The following TSEN2 variants were observed in gnomAD, a reference collection of about 807,000 sequenced individuals.
TSEN2 encodes the protein tRNA-splicing endonuclease subunit Sen2.
A neutral mutation model predicts 59.2 loss-of-function variants in TSEN2; 54 were observed. The observed-to-expected ratio is 0.91, with a 90% CI of 0.73 to 1.14. TSEN2 has a LOEUF of 1.14. Among genes scored for constraint, TSEN2 ranks in the 50% most tolerant of loss-of-function variants. The pLI, the probability that TSEN2 is intolerant of heterozygous loss-of-function variation, is 0.00. For synonymous variants in TSEN2, 195 were observed against 198.2 expected, an observed-to-expected ratio of 0.98 and a Z score of 0.14; for missense variants, 636 against 576.2, an observed-to-expected ratio of 1.10 and a Z score of -1.06.
intron 8 of TSEN2, among the ~76,000 whole-genome samples, chr3:12,522,140 T>C (rs2596829): frequency 0.64 from 97,067 of 151,628 alleles, 33,652 homozygotes; most frequent in African/African-American, 0.91. Flanking sequence ...CATACTGTGG[T>C]TCTTTTGTCT....
intron 2 of TSEN2, among the ~76,000 whole-genome samples, chr3:12,491,737 A>C (rs2053231742): frequency 6.6e-6 from 1 of 152,260 alleles, no homozygotes; most frequent in Admixed American, 6.5e-5. Flanking sequence ...TTGTTAACTC[A>C]GATGGGTACA....
chr3:12,496,503 ACTT>A lies in TSEN2; in HGVS notation c.272-11_272-9del, dbSNP rs752002713. 1.9e-6 allele frequency: 3 copies of A among 1,613,996 alleles called. No individual in the cohort carries two copies. Among genetic ancestry groups the A allele is most frequent in the South Asian group, 1.1e-5 (1 of 91,082 alleles). On this transcript the variant is annotated splice_polypyrimidine_tract_variant and intron_variant, in intron 3 of 11. Transcript: ENST00000284995. Reference sequence around the variant, plus strand: ...GGGAAATTTGCCTGAAACTAATAGAACTTCTTTGTTCCAGATATGAAGACAAAC... The same window carrying A: ...GGGAAATTTGCCTGAAACTAATAGAACTTTGTTCCAGATATGAAGACAAAC...
chr3:12,507,514 G>A (rs920201765), intron 6 of TSEN2, among the ~76,000 whole-genome samples: 1 of 152,210 alleles, frequency 6.6e-6, no homozygotes, highest in African/African-American at 2.4e-5. Context: ...ATAAATGTTA[G>A]TGCCTGCTAT....
At chr3:12,514,914 T>C (rs989699187) in intron 6 of TSEN2, 4 of 152,238 alleles carry the variant, frequency 2.6e-5, no homozygotes, top group Admixed American at 1.3e-4. Flanking sequence ...GGCTTCGTTT[T>C]TCATTTTTGC....
At chr3:12,495,667 C>A (rs1158692362) in intron 3 of TSEN2, among the ~76,000 whole-genome samples, 1 of 152,216 alleles carries the variant, frequency 6.6e-6, no homozygotes, top group Non-Finnish European at 1.5e-5. Context: ...ATAGTAGTCA[C>A]TAGGTGTGCA....
chr3:12,498,137 T>G (rs1214286096), intron 4 of TSEN2, among the ~76,000 whole-genome samples: 1 of 152,062 alleles, frequency 6.6e-6, no homozygotes, highest in Non-Finnish European at 1.5e-5. Flanking sequence ...TATGGGTACA[T>G]GTGATATTTT....
At position 12,503,351 on chromosome 3, in the gene TSEN2, C is replaced by T. The variant is rs373274480; in HGVS notation, c.398C>T (p.Thr133Met). 7 of 1,614,062 alleles carry T rather than the reference C, an allele frequency of 4.3e-6. No individual in the cohort carries two copies. The highest frequency in any genetic ancestry group is 5.1e-6 in the Non-Finnish European group (6 of 1,180,052). ...GTGCGCAGAATCCTCAAGGATTACA[C>T]GAAACCGCTTGAGCATCCTCCTGTG... is the stretch of plus-strand genomic sequence containing the variant. ...STVRRILKDY[T>M]KPLEHPPVKR... Residue 133 changes from threonine to methionine, a missense_variant, in exon 5 of 12, where the codon ACG becomes ATG. Thr to Met is a moderately conservative substitution (Grantham distance 81). Coordinates refer to ENST00000284995, the MANE Select transcript of TSEN2 (RefSeq NM_025265.4).
At chr3:12,495,066 C>T (rs2053608128) in intron 3 of TSEN2, among the ~76,000 whole-genome samples, 1 of 127,528 alleles carries the variant, frequency 7.8e-6, no homozygotes, top group African/African-American at 3.1e-5. Flanking sequence ...GCGGAGGTTG[C>T]AGTGAGCCAA....
intron 11 of TSEN2, among the ~76,000 whole-genome samples, 177 bp from the exon 12 acceptor site, chr3:12,532,485 T>A (rs2057524720): frequency 6.6e-6 from 1 of 152,232 alleles, no homozygotes; most frequent in Admixed American, 6.5e-5. Flanking sequence ...TACTGTATGC[T>A]TGTAAGGTTT....
intron 5 of TSEN2, 48 bp from the exon 6 acceptor site, chr3:12,505,106 T>C (rs1264727801): frequency 9.6e-7 from 1 of 1,045,458 alleles, no homozygotes; most frequent in African/African-American, 1.6e-5. Context: ...CTCTATGACA[T>C]GTAGTGCTTC....
chr3:12,506,038 G>C (rs1205264369), intron 6 of TSEN2, among the ~76,000 whole-genome samples: 2 of 152,082 alleles, frequency 1.3e-5, no homozygotes, highest in African/African-American at 4.8e-5. Context: ...TAGGGGGGTG[G>C]AAAGAAGAAA....
At chr3:12,482,779 C>A (rs1263910297), upstream of TSEN2, among the ~76,000 whole-genome samples, 1 of 152,144 alleles carries the variant, frequency 6.6e-6, no homozygotes, top group Non-Finnish European at 1.5e-5. Context: ...ACCTCTGAAT[C>A]CCTTTCATTG....
intron 9 of TSEN2, among the ~76,000 whole-genome samples, chr3:12,529,402 G>A (rs1289118065): frequency 6.7e-6 from 1 of 148,186 alleles, no homozygotes; most frequent in African/African-American, 2.5e-5. Context: ...GGAGGCGGAG[G>A]TTGCGGTGAG....
chr3:12,499,751 A>G (rs1005439487), intron 4 of TSEN2, among the ~76,000 whole-genome samples: 2 of 152,208 alleles, frequency 1.3e-5, no homozygotes, highest in Non-Finnish European at 2.9e-5. Flanking sequence ...CCTGTGTGTC[A>G]TCTCAGGTCC....
At chr3:12,482,047 C>A (rs1212313607), upstream of TSEN2, among the ~76,000 whole-genome samples, 1 of 152,112 alleles carries the variant, frequency 6.6e-6, no homozygotes, top group African/African-American at 2.4e-5. Context: ...TTTTAAAATA[C>A]TCCAGCAAGG....
intron 11 of TSEN2, among the ~76,000 whole-genome samples, chr3:12,532,271 C>T (rs747921813): frequency 2.0e-5 from 3 of 152,180 alleles, no homozygotes. Context: ...CACTTATCTC[C>T]ACTAGGCTAG....
Position 12,507,500 on chromosome 3 carries a change from C to T in TSEN2, c.909+2269C>T, listed in dbSNP as rs111339601. The stretch of plus-strand genomic sequence containing the variant: ...ACAGTACCTGATAATATAGTAAATG[C>T]TCAATAAATGTTAGTGCCTGCTATT... On this transcript the variant is annotated intron_variant, in intron 6 of 11. Transcript: ENST00000284995. Among the ~76,000 whole-genome samples the T allele has an allele frequency of 9.0e-4, 137 of 152,318 alleles. No homozygotes were observed. In the Middle Eastern group the frequency reaches 0.017, roughly 19 times the overall value.
rs1559289002 is a variant in TSEN2 at position 12,496,554 on chromosome 3, G to A, written c.308G>A (p.Arg103Lys). 1.9e-6 allele frequency: 3 copies of A among 1,613,908 alleles called. No individual in the cohort carries two copies. Among genetic ancestry groups the A allele is most frequent in the South Asian group, 1.1e-5 (1 of 91,084 alleles). ...KTNMPIITSK[R>K]YQHSVEWAAE... is the part of the protein sequence containing the mutation. ...AACATGCCTATCATCACATCAAAGA[G>A]GTAAGTCATAATGAACTTTGGCTTC... is the stretch of plus-strand genomic sequence containing the variant. The change falls in exon 4 of 12, where the codon AGG becomes AAG. Residue 103 changes from arginine (R) to lysine (K), a missense_variant and splice_region_variant. Transcript: ENST00000284995.
intron 1 of TSEN2, among the ~76,000 whole-genome samples, chr3:12,485,743 C>T (rs10510421): frequency 0.064 from 9,693 of 152,238 alleles, 672 homozygotes; most frequent in African/African-American, 0.17. Context: ...AAATAACCTG[C>T]AGTGACTCCA....
Sources: gnomAD v4.1 joint callset for allele counts (sites outside exome capture counted in the v4.1 genomes callset) on GRCh38, gnomAD v4.1.1 for gene constraint, MANE v1.5 for transcripts, NCBI Gene and HGNC (gene_info 2026-07-23, HGNC 2026-07-21) for gene names.